The following ZMYM2 variants were observed in gnomAD, a reference collection of about 807,000 sequenced individuals.
ZMYM2 encodes zinc finger MYM-type protein 2.
ZMYM2 carries 56 observed loss-of-function variants against 162.8 expected under a neutral mutation model. That is an observed-to-expected ratio of 0.34 (90% CI 0.28 to 0.43). The LOEUF (loss-of-function observed/expected upper bound fraction) is 0.43, where lower values mean the gene tolerates loss of function less well. Among genes scored for constraint, ZMYM2 ranks in the 20% least tolerant of loss-of-function variants. The pLI, the probability that ZMYM2 is intolerant of heterozygous loss-of-function variation, is 1.00. For synonymous variants in ZMYM2, 510 were observed against 541.6 expected (o/e 0.94, Z 0.81); for missense variants, 1,275 against 1,621.8 (o/e 0.79, Z 3.67).
In ZMYM2 at chr13:20,035,418, G is replaced by A. The variant is rs140478075; in HGVS notation, c.2119+1014G>A. ...CTGGAATGGAAAGTAACCATGTTTC[G>A]CTGTTATTTAAGAGTAAAGCTATAA... On this transcript the variant is annotated intron_variant, in intron 11 of 24. Transcript: ENST00000610343. Among the ~76,000 whole-genome samples, 1,003 of 152,174 alleles carry A rather than the reference G, an allele frequency of 6.6e-3. 7 individuals carry two copies. The highest frequency in any genetic ancestry group is 0.011 in the Non-Finnish European group (750 of 67,986).
In ZMYM2 at chr13:19,993,056, C is replaced by T. The variant is rs1355923449; in HGVS notation, c.-10-7C>T. 2.5e-6 allele frequency: 4 copies of T among 1,569,736 alleles called. No homozygotes were observed. The Admixed American group carries it at 6.0e-5, about 23-fold the overall frequency. ...CATTTTAATTCTTTTTTCTATCTTCCTAACAGGTTCTTTGGCATGGACACA... is the reference window on the plus strand; with the variant it reads ...CATTTTAATTCTTTTTTCTATCTTCTTAACAGGTTCTTTGGCATGGACACA... On this transcript the variant is annotated splice_region_variant and splice_polypyrimidine_tract_variant and intron_variant, in intron 2 of 24. Transcript: ENST00000610343.
At chr13:19,913,101 T>C in the ZMYM2 span, among the ~76,000 whole-genome samples, 1 of 152,158 alleles carries the variant, frequency 6.6e-6, no homozygotes, top group African/African-American at 2.4e-5. Context: ...CAATGCTGCC[T>C]GAAGTGTCAG....
chr13:20,006,156 C>G (rs1950725929), intron 5 of ZMYM2, among the ~76,000 whole-genome samples: 1 of 151,680 alleles, frequency 6.6e-6, no homozygotes. Flanking sequence ...TTGCTTGAGC[C>G]CAGGGGATTG....
the ZMYM2 span, among the ~76,000 whole-genome samples, chr13:19,868,019 A>G: frequency 3.3e-5 from 5 of 152,230 alleles, no homozygotes; most frequent in African/African-American, 1.2e-4. Context: ...GGAGCTTGCC[A>G]GCTCCCCAGA....
the ZMYM2 span, among the ~76,000 whole-genome samples, chr13:19,949,911 A>G: frequency 9.0e-6 from 1 of 110,856 alleles, no homozygotes; most frequent in Non-Finnish European, 1.8e-5. Context: ...AAAGAAAAGG[A>G]AGGGAAGGAA....
intron 7 of ZMYM2, 158 bp from the exon 8 acceptor site, chr13:20,026,454 G>T: frequency 1.6e-6 from 1 of 619,396 alleles, no homozygotes; most frequent in South Asian, 2.8e-5. Context: ...TTGTTGCATA[G>T]TTAATAGTTT....
At chr13:19,965,238 C>G in intron 2 of ZMYM2, 1 of 1,299,588 alleles carries the variant, frequency 7.7e-7, no homozygotes, top group Non-Finnish European at 1.0e-6. Context: ...GTGTATATTA[C>G]TCTCTGCCGT....
chr13:19,945,272 G>T, the ZMYM2 span, among the ~76,000 whole-genome samples: 1 of 151,982 alleles, frequency 6.6e-6, no homozygotes, highest in East Asian at 1.9e-4. Context: ...TGGGCAGGGG[G>T]ACAGAATCTC....
chr13:20,066,611 G>C, intron 19 of ZMYM2: 1 of 363,694 alleles, frequency 2.7e-6, no homozygotes, highest in Non-Finnish European at 4.9e-6. Context: ...TGAGTAGGCT[G>C]AGGAGGAAGA....
chr13:20,057,434 G>C (rs1449689791), intron 14 of ZMYM2, among the ~76,000 whole-genome samples: 9 of 151,938 alleles, frequency 5.9e-5, no homozygotes, highest in African/African-American at 2.2e-4. Context: ...CAATGCCCCC[G>C]GCCAGCTTTT....
At chr13:19,933,783 C>T in the ZMYM2 span, among the ~76,000 whole-genome samples, 2 of 152,134 alleles carry the variant, frequency 1.3e-5, no homozygotes, top group African/African-American at 2.4e-5. Flanking sequence ...ATGTGGGCCA[C>T]ACATTATGGA....
the ZMYM2 span, among the ~76,000 whole-genome samples, chr13:19,905,900 G>A: frequency 6.6e-6 from 1 of 152,132 alleles, no homozygotes; most frequent in African/African-American, 2.4e-5. Flanking sequence ...CAGCACTTTG[G>A]GAGGCCACAG....
At chr13:19,975,965 C>A (rs935960433) in intron 2 of ZMYM2, among the ~76,000 whole-genome samples, 3 of 151,984 alleles carry the variant, frequency 2.0e-5, no homozygotes, top group African/African-American at 7.2e-5. Flanking sequence ...TCAATTGATT[C>A]TTTCACCTTG....
intron 2 of ZMYM2, among the ~76,000 whole-genome samples, chr13:19,989,685 T>G (rs1302890721): frequency 6.6e-6 from 1 of 152,216 alleles, no homozygotes; most frequent in Non-Finnish European, 1.5e-5. Context: ...TACTCTTATT[T>G]TAAAATGTAC....
the ZMYM2 span, among the ~76,000 whole-genome samples, chr13:19,949,659 C>T: frequency 2.6e-5 from 4 of 151,578 alleles, no homozygotes; most frequent in Non-Finnish European, 4.4e-5. Flanking sequence ...GAGGCCAAGA[C>T]GGGCAGATCA....
chr13:20,025,175 A>G (rs1952465381), intron 7 of ZMYM2: 1 of 204,846 alleles, frequency 4.9e-6, no homozygotes. Flanking sequence ...CCTATTATTT[A>G]TGCTATCCAT....
At chr13:20,024,182 C>T (rs925089409) in intron 7 of ZMYM2, among the ~76,000 whole-genome samples, 3 of 152,266 alleles carry the variant, frequency 2.0e-5, no homozygotes, top group African/African-American at 7.2e-5. Flanking sequence ...ATCTGCCCAC[C>T]TCAGCCTCCC....
At chr13:19,920,283 A>G in the ZMYM2 span, among the ~76,000 whole-genome samples, 4 of 151,504 alleles carry the variant, frequency 2.6e-5, no homozygotes, top group Non-Finnish European at 5.9e-5. Context: ...CAAAAAAAAC[A>G]TTTTTTTTTA....
chr13:19,908,268 A>G, the ZMYM2 span, among the ~76,000 whole-genome samples: 4 of 152,156 alleles, frequency 2.6e-5, no homozygotes, highest in Non-Finnish European at 5.9e-5. Flanking sequence ...AGCCTGGGTG[A>G]CAAAGTGAGA....
Sources: gnomAD v4.1 joint callset for allele counts (sites outside exome capture counted in the v4.1 genomes callset) on GRCh38, gnomAD v4.1.1 for gene constraint, MANE v1.5 for transcripts, NCBI Gene and HGNC (gene_info 2026-07-23, HGNC 2026-07-21) for gene names.